The following OR2T2 variants were observed in gnomAD, a reference collection of about 807,000 sequenced individuals.
The protein encoded by OR2T2 is olfactory receptor 2T2.
For missense variants in OR2T2, 138 were observed against 409.1 expected, an observed-to-expected ratio of 0.34 and a Z score of 5.72; for synonymous variants, 50 against 162.7, an observed-to-expected ratio of 0.31 and a Z score of 5.27.
rs1662623589 is a variant in OR2T2, at chr1:248,445,673, G to GGATC, written c.-246+5_-246+8dup. 6.6e-6 allele frequency: 1 copy of GGATC among 152,400 alleles called. No individual in the cohort carries two copies. Among genetic ancestry groups the GGATC allele is most frequent in the Non-Finnish European group, 1.5e-5 (1 of 68,192 alleles). The allele number at this position is 152,400 out of a possible 1,614,324, so 9.4% of individuals were successfully genotyped here. On this transcript the variant is annotated splice_donor_region_variant and intron_variant, in intron 1 of 2. Transcript: ENST00000642130. ...ACTTGGACCCAGCTTCTCTGAGGTA[G>GGATC]GATCCTTAGATCTTCATGAAAAACA...
chr1:248,455,060 CTTTGGTGGA>C (rs1357778337), exon 3 of OR2T2: 2 of 151,608 alleles, frequency 1.3e-5, no homozygotes, highest in African/African-American at 2.4e-5. Context: ...AGATGTGTAA[CTTTGGTGGA>C]ATACTAACTA....
exon 3 of OR2T2, chr1:248,454,200 T>A (rs1313331300): frequency 4.1e-5 from 6 of 144,582 alleles, no homozygotes. Context: ...ATTGCTAACG[T>A]GTGATCATGA....
exon 3 of OR2T2, chr1:248,454,895 A>AT (rs1265798454): frequency 1.8e-3 from 172 of 98,042 alleles, no homozygotes; most frequent in African/African-American, 6.0e-3. Context: ...CAAATTGTTA[A>AT]TAGATAAATG....
chr1:248,446,358 T>TA (rs1286072987), intron 1 of OR2T2, among the ~76,000 whole-genome samples: 1 of 145,038 alleles, frequency 6.9e-6, no homozygotes, highest in Non-Finnish European at 1.5e-5. Context: ...GCTCAGGCTG[T>TA]AGGGGTATAA....
chr1:248,450,679 A>T (rs1662777411), intron 2 of OR2T2, among the ~76,000 whole-genome samples: 1 of 152,162 alleles, frequency 6.6e-6, no homozygotes, highest in Admixed American at 6.5e-5. Flanking sequence ...TTTTAAAAGG[A>T]TGATTGTCAG....
intron 2 of OR2T2, among the ~76,000 whole-genome samples, chr1:248,447,041 TA>T (rs1390367293): frequency 6.6e-6 from 1 of 151,970 alleles, no homozygotes; most frequent in African/African-American, 2.4e-5. Flanking sequence ...TGAAAACAGT[TA>T]CCATTTAAAT....
At chr1:248,446,985 A>G (rs1396941448) in intron 2 of OR2T2, among the ~76,000 whole-genome samples, 174 bp downstream of exon 2, 1 of 148,332 alleles carries the variant, frequency 6.7e-6, no homozygotes, top group Non-Finnish European at 1.5e-5. Context: ...AAAATTTCCA[A>G]ATTGTCAGTT....
At chr1:248,447,314 A>G (rs550613254) in intron 2 of OR2T2, among the ~76,000 whole-genome samples, 47 of 150,740 alleles carry the variant, frequency 3.1e-4, no homozygotes, top group African/African-American at 1.1e-3. Flanking sequence ...TATGAGTAGC[A>G]ATTAATATTA....
exon 3 of OR2T2, chr1:248,455,090 A>C (rs1453612216): frequency 6.6e-5 from 10 of 151,446 alleles, no homozygotes; most frequent in South Asian, 2.1e-4. Flanking sequence ...AGCAAAGACT[A>C]CACTGACCCC....
intron 2 of OR2T2, 52 bp downstream of exon 2, chr1:248,446,863 C>G (rs1662671906): frequency 1.4e-5 from 2 of 147,406 alleles, no homozygotes; most frequent in Non-Finnish European, 3.0e-5. Flanking sequence ...GAACTAACTT[C>G]TGGCATAGTA....
chr1:248,447,871 T>C (rs1360476987), intron 2 of OR2T2, among the ~76,000 whole-genome samples: 6 of 148,514 alleles, frequency 4.0e-5, no homozygotes, highest in Non-Finnish European at 7.4e-5. Flanking sequence ...TTAGTTAACC[T>C]GCAATCCGCC....
chr1:248,447,571 G>T (rs1275124647), intron 2 of OR2T2, among the ~76,000 whole-genome samples: 789 of 127,600 alleles, frequency 6.2e-3, no homozygotes, highest in Middle Eastern at 0.021. Context: ...ATTCCCATTT[G>T]CGAGCCTTTT....
chr1:248,451,467 GTT>G (rs1157177607), intron 2 of OR2T2, among the ~76,000 whole-genome samples: 4 of 113,738 alleles, frequency 3.5e-5, no homozygotes, highest in East Asian at 2.3e-4. Flanking sequence ...ACCATCTATA[GTT>G]TTTGTTTTCT....
At chr1:248,446,175 TC>T (rs1276884059) in intron 1 of OR2T2, among the ~76,000 whole-genome samples, 3 of 144,794 alleles carry the variant, frequency 2.1e-5, no homozygotes, top group Non-Finnish European at 4.5e-5. Flanking sequence ...TTTTTTTTTT[TC>T]ATTTTAACCT....
intron 2 of OR2T2, among the ~76,000 whole-genome samples, chr1:248,448,047 G>A (rs868206176): frequency 1.3e-5 from 2 of 152,276 alleles, no homozygotes; most frequent in East Asian, 1.9e-4. Context: ...TTATCAAATC[G>A]ACTGTGGCGG....
At chr1:248,453,694 T>C in exon 3 of OR2T2, 1 of 1,599,586 alleles carries the variant, frequency 6.3e-7, no homozygotes, top group South Asian at 1.1e-5. Context: ...AAGATGTGGC[T>C]GCAGCTCTGA....
chr1:248,453,436 T>G lies in OR2T2; in HGVS notation c.639T>G (p.Ser213=), dbSNP rs757804855. The G allele has an allele frequency of 4.8e-5, 76 of 1,588,820 alleles. 4 individuals are homozygous for G. Among genetic ancestry groups the G allele is most frequent in the Non-Finnish European group, 5.6e-5 (65 of 1,166,260 alleles). Residue 213 remains serine, a synonymous_variant, in exon 3 of 3, where the codon TCT becomes TCG. Coordinates refer to ENST00000642130, the Ensembl canonical transcript of OR2T2. ...TGCTGATGCTGCTTATCCCTCTATCTGTCATCTCTGTCTCCTACACGCACA... is the reference window on the plus strand; with the variant it reads ...TGCTGATGCTGCTTATCCCTCTATCGGTCATCTCTGTCTCCTACACGCACA...
chr1:248,447,797 G>A (rs1228655024), intron 2 of OR2T2, among the ~76,000 whole-genome samples: 7 of 151,696 alleles, frequency 4.6e-5, no homozygotes, highest in African/African-American at 1.5e-4. Context: ...CCCTAGGGTT[G>A]AACCTTTGAG....
At chr1:248,450,018 GAACTGATGTAAACAGAAGT>G (rs1270521373) in intron 2 of OR2T2, among the ~76,000 whole-genome samples, 1 of 148,726 alleles carries the variant, frequency 6.7e-6, no homozygotes, top group Non-Finnish European at 1.5e-5. Flanking sequence ...TAGATGCTCG[GAACTGATGTAAACAGAAGT>G]AACTGATGAC....
Sources: gnomAD v4.1 joint callset for allele counts (sites outside exome capture counted in the v4.1 genomes callset) on GRCh38, gnomAD v4.1.1 for gene constraint, MANE v1.5 for transcripts, NCBI Gene and HGNC (gene_info 2026-07-23, HGNC 2026-07-21) for gene names.